CACNA1I: variants seen among roughly 807,000 people sequenced by gnomAD.
The protein encoded by CACNA1I is calcium voltage-gated channel subunit alpha1 I.
In CACNA1I, 74 loss-of-function variants were observed where a neutral mutation model predicts 201.6. That is an observed-to-expected ratio of 0.37 (90% confidence interval 0.30 to 0.45). The LOEUF is 0.45. CACNA1I is among the 20% of genes least tolerant of loss of function. CACNA1I has a pLI of 1.00. For missense variants in CACNA1I, 2,346 were observed against 3,138.1 expected, an observed-to-expected ratio of 0.75 and a Z score of 6.03; for synonymous variants, 1,431 against 1,345.2, an observed-to-expected ratio of 1.06 and a Z score of -1.40.
Position 39,685,390 on chromosome 22 carries a change from C to T in CACNA1I, c.6028-371C>T, listed in dbSNP as rs1935828719. ...CGGAGCAAGTGGGAGGGACCGGAACCAGTGGGAGCAGCCAAGGCTGGGGCC... is the reference window on the plus strand; with the variant it reads ...CGGAGCAAGTGGGAGGGACCGGAACTAGTGGGAGCAGCCAAGGCTGGGGCC... On this transcript the variant is annotated intron_variant, in intron 36 of 36. Transcript: ENST00000402142. The surrounding 1 kb of genome is among the most constrained non-coding windows in gnomAD (Gnocchi z 5.0). 7.9e-6 allele frequency among the ~76,000 whole-genome samples: 1 copy of T among 126,058 alleles called. No homozygotes were observed. Among genetic ancestry groups the T allele is most frequent in the African/African-American group, 3.2e-5 (1 of 31,638 alleles). The allele number at this position is 126,058 out of a possible 152,430, so 82.7% of individuals were successfully genotyped here. A position where few individuals can be genotyped will look rare whatever the true frequency, so the allele number is the denominator to read the frequency against.
intron 1 of CACNA1I, among the ~76,000 whole-genome samples, chr22:39,596,892 A>G (rs1295031648): frequency 6.6e-6 from 1 of 152,116 alleles, no homozygotes; most frequent in African/African-American, 2.4e-5. Context: ...CTTTTACTGC[A>G]TGAGAGCCCC....
rs148055518 is a variant in CACNA1I at position 39,601,560 on chromosome 22, G to A, written c.482+907G>A. Among the ~76,000 whole-genome samples the A allele has an allele frequency of 1.4e-3, 207 of 152,240 alleles. 6 individuals carry two copies. The East Asian group carries it at 0.017, about 12-fold the overall frequency. ...AGGAGAGAGAAAAAGGCTGGAGGCT[G>A]TACGTGTGTGTGTGAGAGAGGGTGT... On this transcript the variant is annotated intron_variant, in intron 3 of 36. Transcript: ENST00000402142.
chr22:39,678,329 T>C (rs931291428), intron 31 of CACNA1I, among the ~76,000 whole-genome samples: 3 of 152,192 alleles, frequency 2.0e-5, no homozygotes, highest in African/African-American at 7.2e-5. Context: ...CAGTGTTGCC[T>C]GGGATCAGGG....
chr22:39,658,326 G>T (rs373170725), intron 11 of CACNA1I, 23 bp downstream of exon 11: 4 of 1,609,604 alleles, frequency 2.5e-6, no homozygotes, highest in South Asian at 2.2e-5. Flanking sequence ...CAACCCACCC[G>T]GCAGCAGAGT....
Position 39,598,148 on chromosome 22 carries a change from C to T in CACNA1I, c.237-3C>T, listed in dbSNP as rs758676985. 7 of 1,579,956 alleles carry T rather than the reference C, an allele frequency of 4.4e-6. No individual in the cohort carries two copies. The East Asian group carries it at 1.1e-4, about 26-fold the overall frequency. ...GCTGCTTTGTCCTTGACTTGGTGTG[C>T]ACGTGGTTTGAATGTGTCAGCATGC... On this transcript the variant is annotated splice_polypyrimidine_tract_variant and splice_region_variant and intron_variant, in intron 1 of 36. Coordinates refer to ENST00000402142, the MANE Select transcript of CACNA1I (RefSeq NM_021096.4).
rs764533619 is a variant in CACNA1I at position 39,686,149 on chromosome 22, C to G, written c.6416C>G (p.Pro2139Arg). 3.1e-6 allele frequency: 4 copies of G among 1,275,144 alleles called. No individual in the cohort carries two copies. In the African/African-American group the frequency reaches 6.3e-5, roughly 20 times the overall value. The allele number at this position is 1,275,144 out of a possible 1,614,324, so 79.0% of individuals were successfully genotyped here. ...SLSLTSLFCP[P>R]PPPPAPGLTP... ...TCGCTCACCTCCCTCTTCTGCCCGC[C>G]GCCCCCGCCGCCAGCCCCCGGCCTC... Residue 2139 changes from proline to arginine, a missense_variant, in exon 37 of 37, where the codon CCG becomes CGG. Physicochemically the swap from Pro to Arg is moderately radical, Grantham distance 103 (BLOSUM62 -2). Transcript: ENST00000402142.
intron 3 of CACNA1I, among the ~76,000 whole-genome samples, chr22:39,617,473 G>T (rs928012295): frequency 3.3e-5 from 5 of 151,810 alleles, no homozygotes; most frequent in Non-Finnish European, 4.4e-5. Context: ...CTGCGTCTGT[G>T]GGGGTGGGGC....
intron 4 of CACNA1I, among the ~76,000 whole-genome samples, chr22:39,621,786 G>A (rs1367600728): frequency 6.6e-6 from 1 of 152,042 alleles, no homozygotes; most frequent in Non-Finnish European, 1.5e-5. Context: ...GGGAGGGGGA[G>A]TTCAGCTCTA....
chr22:39,578,950 A>T (rs1180815523), intron 1 of CACNA1I, among the ~76,000 whole-genome samples: 1 of 152,010 alleles, frequency 6.6e-6, no homozygotes, highest in Non-Finnish European at 1.5e-5. Flanking sequence ...TCTCAACCCC[A>T]CCAGCCCCAC....
At position 39,666,023 on chromosome 22, in the gene CACNA1I, T is replaced by C. The variant is rs1367084172; in HGVS notation, c.4104+17T>C. ...CTGGGCCAGGTGAGCACCACCGTCC[T>C]AGCCCTGATCAGACCCTCCCCTCTC... On this transcript the variant is annotated intron_variant, in intron 23 of 36. Coordinates refer to ENST00000402142, the MANE Select transcript of CACNA1I (RefSeq NM_021096.4). The surrounding 1 kb of genome is among the most constrained non-coding windows in gnomAD (Gnocchi z 4.1). The C allele has an allele frequency of 1.9e-6, 3 of 1,611,306 alleles. No individual in the cohort carries two copies. Among genetic ancestry groups the C allele is most frequent in the African/African-American group, 2.7e-5 (2 of 74,868 alleles).
intron 1 of CACNA1I, among the ~76,000 whole-genome samples, chr22:39,596,145 TGGGGGAGCAGGGTGGAGAGAGATG>T (rs1932882491): frequency 8.1e-5 from 5 of 61,586 alleles, no homozygotes; most frequent in East Asian, 4.8e-4. Context: ...CGGAGAGAGA[TGGGGGAGCAGGGTGGAGAGAGATG>T]GGGGGGCAGG....
chr22:39,641,931 T>C lies in CACNA1I; in HGVS notation c.1056+749T>C, dbSNP rs116256980. The stretch of plus-strand genomic sequence containing the variant: ...GGGTCATTGTTAAGAATAAAGCAGA[T>C]GGCACGCTCAGGGCAGCCAGCCCTG... On this transcript the variant is annotated intron_variant, in intron 6 of 36. Transcript: ENST00000402142. Among the ~76,000 whole-genome samples, 955 of 152,258 alleles carry C rather than the reference T, an allele frequency of 6.3e-3. 6 individuals are homozygous for C. Among genetic ancestry groups the C allele is most frequent in the African/African-American group, 0.021 (888 of 41,558 alleles).
chr22:39,656,802 C>T, intron 10 of CACNA1I: 1 of 518,550 alleles, frequency 1.9e-6, no homozygotes. Context: ...CCCAGTTTCC[C>T]TAGCCTCAGT....
At chr22:39,674,479 G>A (rs548287523) in intron 29 of CACNA1I, among the ~76,000 whole-genome samples, 1 of 152,316 alleles carries the variant, frequency 6.6e-6, no homozygotes, top group Non-Finnish European at 1.5e-5. Flanking sequence ...GTGGCAGTGT[G>A]GATGGAGAAG....
intron 1 of CACNA1I, among the ~76,000 whole-genome samples, chr22:39,583,160 G>GCCATC (rs1890724232): frequency 8.5e-5 from 2 of 23,532 alleles, no homozygotes; most frequent in Non-Finnish European, 1.0e-4. Flanking sequence ...AGCCATCCAT[G>GCCATC]CATGCATCCA....
At chr22:39,620,730 T>G (rs80101362) in intron 4 of CACNA1I, among the ~76,000 whole-genome samples, 8,288 of 147,758 alleles carry the variant, frequency 0.056, 275 homozygotes, top group East Asian at 0.19. Flanking sequence ...CTGGTTTTTT[T>G]TTGTTGTTGT....
chr22:39,614,371 G>A (rs961216035), intron 3 of CACNA1I, among the ~76,000 whole-genome samples: 4 of 152,220 alleles, frequency 2.6e-5, no homozygotes, highest in Non-Finnish European at 5.9e-5. Context: ...ACCGGGGAGA[G>A]CAGAGGGTAG....
rs1261867642 is a variant in CACNA1I at position 39,644,059 on chromosome 22, G to C, written c.1149+1170G>C. ...CTGGAGGAGGGATGGGGAGGTGGGA[G>C]GCTTCCTGGAGGAGGTGATGCCAGA... On this transcript the variant is annotated intron_variant, in intron 7 of 36. Transcript: ENST00000402142. Among the ~76,000 whole-genome samples, 11 of 152,208 alleles carry C rather than the reference G, an allele frequency of 7.2e-5. 1 individual carries two copies. Among genetic ancestry groups the C allele is most frequent in the Admixed American group, 7.2e-4 (11 of 15,286 alleles).
chr22:39,676,447 G>A lies in CACNA1I; in HGVS notation c.4855-894G>A, dbSNP rs529308774. Reference sequence around the variant, plus strand: ...GCAGTTAACGTGAACGTTTTCTGAGGGTTCTAAGGCCTTCTGAGGGTTCTA... The same window carrying A: ...GCAGTTAACGTGAACGTTTTCTGAGAGTTCTAAGGCCTTCTGAGGGTTCTA... On this transcript the variant is annotated intron_variant, in intron 29 of 36. Coordinates refer to ENST00000402142, the MANE Select transcript of CACNA1I (RefSeq NM_021096.4). The surrounding 1 kb of genome is among the most constrained non-coding windows in gnomAD (Gnocchi z 4.8). Among the ~76,000 whole-genome samples the A allele has an allele frequency of 9.2e-5, 14 of 152,328 alleles. No individual in the cohort carries two copies. The highest frequency in any genetic ancestry group is 2.9e-4 in the African/African-American group (12 of 41,562).
Sources: gnomAD v4.1 joint callset for allele counts (sites outside exome capture counted in the v4.1 genomes callset) on GRCh38, gnomAD v4.1.1 for gene constraint, Gnocchi (gnomAD v3.1) non-coding constraint, MANE v1.5 for transcripts, NCBI Gene and HGNC (gene_info 2026-07-23, HGNC 2026-07-21) for gene names.